Variants in STXBP5L observed in about 807,000 individuals in gnomAD.
The protein encoded by STXBP5L is syntaxin binding protein 5L.
Under a neutral mutation model 144.5 loss-of-function variants are expected in STXBP5L, and 65 were observed. That is an observed-to-expected ratio of 0.45 (90% CI 0.37 to 0.55). STXBP5L has a LOEUF of 0.55. STXBP5L is among the 20% of genes least tolerant of loss of function. The probability of loss-of-function intolerance (pLI) is 0.00; values close to 1 mark genes in which losing one functional copy is unlikely to be tolerated. For synonymous variants in STXBP5L, 505 were observed against 469.6 expected (o/e 1.08, Z -0.97); for missense variants, 1,298 against 1,405.5 (o/e 0.92, Z 1.22).
In STXBP5L at chr3:120,943,884, T is replaced by C. The variant is rs72966716; in HGVS notation, c.190-11056T>C. The stretch of plus-strand genomic sequence containing the variant: ...TATATAGTTTATTTTTCTCTCTGTC[T>C]CGCTTTCTCTCTTTTTCTCTGTCTC... On this transcript the variant is annotated intron_variant, in intron 2 of 26. Coordinates refer to ENST00000471454, the MANE Select transcript of STXBP5L (RefSeq NM_001308330.2). Among the ~76,000 whole-genome samples the C allele has an allele frequency of 2.6e-3, 393 of 151,522 alleles. 2 individuals are homozygous for C. Among genetic ancestry groups the C allele is most frequent in the African/African-American group, 8.9e-3 (367 of 41,468 alleles).
chr3:121,055,162 T>C (rs1161105275), intron 5 of STXBP5L, among the ~76,000 whole-genome samples: 1 of 152,182 alleles, frequency 6.6e-6, no homozygotes, highest in Non-Finnish European at 1.5e-5. Context: ...TTAAGAAAGA[T>C]ACATACATAT....
At chr3:121,109,671 G>T (rs1213737064) in intron 5 of STXBP5L, among the ~76,000 whole-genome samples, 1 of 152,162 alleles carries the variant, frequency 6.6e-6, no homozygotes, top group Admixed American at 6.6e-5. Flanking sequence ...GTCCCATGTG[G>T]TGCTGAAAAT....
intron 19 of STXBP5L, among the ~76,000 whole-genome samples, chr3:121,317,134 AATATT>A (rs2043813826): frequency 6.6e-6 from 1 of 152,176 alleles, no homozygotes. Context: ...TATATCAGTA[AATATT>A]ATGTGTACTA....
At chr3:121,087,266 C>T (rs1262525848) in intron 5 of STXBP5L, among the ~76,000 whole-genome samples, 1 of 152,000 alleles carries the variant, frequency 6.6e-6, no homozygotes, top group Non-Finnish European at 1.5e-5. Flanking sequence ...CTAATAATTG[C>T]TGAGAGAGAG....
intron 20 of STXBP5L, among the ~76,000 whole-genome samples, chr3:121,347,907 G>A (rs1327267931): frequency 1.3e-5 from 2 of 152,132 alleles, no homozygotes; most frequent in Non-Finnish European, 2.9e-5. Context: ...CTGCAAACAG[G>A]GACAATTTGA....
chr3:121,135,969 A>C (rs2045237906), intron 7 of STXBP5L, among the ~76,000 whole-genome samples: 1 of 152,170 alleles, frequency 6.6e-6, no homozygotes, highest in Non-Finnish European at 1.5e-5. Context: ...ACAGGAACCC[A>C]TGGCCATGGT....
intron 3 of STXBP5L, among the ~76,000 whole-genome samples, chr3:120,958,289 C>A (rs1938288037): frequency 6.6e-6 from 1 of 152,106 alleles, no homozygotes; most frequent in Non-Finnish European, 1.5e-5. Flanking sequence ...CAAAAAAAGT[C>A]CAGGACCAGA....
At chr3:121,106,366 C>T (rs151051346) in intron 5 of STXBP5L, among the ~76,000 whole-genome samples, 37 of 152,150 alleles carry the variant, frequency 2.4e-4, no homozygotes, top group African/African-American at 7.0e-4. Flanking sequence ...GGTATTGAGC[C>T]CTACATGCAT....
chr3:121,144,037 G>A (rs1040180658), intron 7 of STXBP5L, among the ~76,000 whole-genome samples: 9 of 151,122 alleles, frequency 6.0e-5, no homozygotes, highest in African/African-American at 1.9e-4. Flanking sequence ...ACAATCAGCA[G>A]CGTGAAAACA....
chr3:121,094,816 T>A (rs2043027698), intron 5 of STXBP5L, among the ~76,000 whole-genome samples: 2 of 152,302 alleles, frequency 1.3e-5, no homozygotes, highest in South Asian at 2.1e-4. Context: ...CCTTTCATTA[T>A]GATGTTAGGT....
chr3:121,033,900 T>C (rs1946564288), intron 3 of STXBP5L, among the ~76,000 whole-genome samples: 1 of 152,058 alleles, frequency 6.6e-6, no homozygotes, highest in Non-Finnish European at 1.5e-5. Context: ...CTTTAAGAAA[T>C]ACTTAAAAGA....
At chr3:121,306,870 A>G (rs1400684400) in intron 19 of STXBP5L, among the ~76,000 whole-genome samples, 1 of 152,194 alleles carries the variant, frequency 6.6e-6, no homozygotes, top group African/African-American at 2.4e-5. Flanking sequence ...GTCAAAAATA[A>G]TAGAACATCT....
At chr3:121,097,498 C>A (rs942912404) in intron 5 of STXBP5L, among the ~76,000 whole-genome samples, 1 of 152,196 alleles carries the variant, frequency 6.6e-6, no homozygotes, top group Non-Finnish European at 1.5e-5. Flanking sequence ...GGGACAAATG[C>A]AGTATCTGGG....
chr3:121,121,742 C>T (rs1481892910), intron 7 of STXBP5L, 38 bp downstream of exon 7: 3 of 1,469,534 alleles, frequency 2.0e-6, no homozygotes, highest in South Asian at 1.2e-5. Context: ...GTTTTATTTT[C>T]CTCATTCTTG....
chr3:121,231,848 G>T lies in STXBP5L; in HGVS notation c.1112-1768G>T, dbSNP rs551143657. 3.9e-5 allele frequency among the ~76,000 whole-genome samples: 6 copies of T among 152,190 alleles called. No homozygotes were observed. The South Asian group carries it at 1.2e-3, about 32-fold the overall frequency. ...ACTGCTGCTTAAGCCAAATATTACT[G>T]CTCATATCAGAATACAAACAGAAAC... On this transcript the variant is annotated intron_variant, in intron 11 of 26. Transcript: ENST00000471454.
At chr3:121,012,297 CAT>C (rs1175934682) in intron 3 of STXBP5L, among the ~76,000 whole-genome samples, 1 of 151,712 alleles carries the variant, frequency 6.6e-6, no homozygotes, top group African/African-American at 2.4e-5. Flanking sequence ...CTTTTGTGTG[CAT>C]ATGTTTTCAT....
chr3:121,086,262 A>G (rs1228151559), intron 5 of STXBP5L, among the ~76,000 whole-genome samples: 2 of 152,142 alleles, frequency 1.3e-5, no homozygotes, highest in East Asian at 3.8e-4. Context: ...TTATATTTCC[A>G]ATTTTATTCA....
At chr3:121,135,500 G>T (rs2045207704) in intron 7 of STXBP5L, among the ~76,000 whole-genome samples, 1 of 152,152 alleles carries the variant, frequency 6.6e-6, no homozygotes, top group Non-Finnish European at 1.5e-5. Flanking sequence ...ATCTGGGGGT[G>T]ATGGATCATC....
intron 3 of STXBP5L, among the ~76,000 whole-genome samples, chr3:120,986,460 A>T (rs973556085): frequency 4.6e-5 from 7 of 151,876 alleles, no homozygotes; most frequent in Non-Finnish European, 1.0e-4. Context: ...TGTGAGTTTG[A>T]CATTGAAGTA....
Sources: allele counts gnomAD v4.1 joint callset (sites outside exome capture counted in the v4.1 genomes callset), GRCh38; gene constraint gnomAD v4.1.1; transcripts MANE v1.5; gene names NCBI Gene and HGNC (gene_info 2026-07-23, HGNC 2026-07-21).